The following ADAM12 variants were observed in gnomAD, a reference collection of about 807,000 sequenced individuals.
The protein encoded by ADAM12 is disintegrin and metalloproteinase domain-containing protein 12.
In ADAM12, 70 loss-of-function variants were observed where a neutral mutation model predicts 106.4. That is an observed-to-expected ratio of 0.66 (90% CI 0.54 to 0.80). The LOEUF (loss-of-function observed/expected upper bound fraction) is 0.80. ADAM12 is among the 30% of genes least tolerant of loss of function. The pLI is 0.00. For missense variants in ADAM12, 1,010 were observed against 1,171.9 expected, an observed-to-expected ratio of 0.86 and a Z score of 2.02; for synonymous variants, 420 against 433.5, an observed-to-expected ratio of 0.97 and a Z score of 0.39.
intron 3 of ADAM12, among the ~76,000 whole-genome samples, chr10:126,187,060 T>C (rs1458773332): frequency 6.6e-6 from 1 of 152,320 alleles, no homozygotes; most frequent in East Asian, 1.9e-4. Flanking sequence ...AGCTCCTCTC[T>C]GCCCCAGTTT....
intron 6 of ADAM12, among the ~76,000 whole-genome samples, chr10:126,117,758 T>TGGGGGG (rs113203942): frequency 1.1e-5 from 1 of 90,684 alleles, no homozygotes; most frequent in Non-Finnish European, 2.1e-5. Flanking sequence ...GGGTAGAAGT[T>TGGGGGG]GGGGGGGCGT....
chr10:126,311,286 T>C (rs1012733664), intron 2 of ADAM12, among the ~76,000 whole-genome samples: 1 of 152,190 alleles, frequency 6.6e-6, no homozygotes, highest in Non-Finnish European at 1.5e-5. Flanking sequence ...TAACTGGGGC[T>C]GGAGTGGGAG....
chr10:126,244,082 T>C (rs944005325), intron 3 of ADAM12, among the ~76,000 whole-genome samples: 1 of 152,216 alleles, frequency 6.6e-6, no homozygotes, highest in Non-Finnish European at 1.5e-5. Flanking sequence ...TTAGAGCACA[T>C]GGATTTAGCC....
intron 1 of ADAM12, among the ~76,000 whole-genome samples, chr10:126,340,666 T>C (rs1277806011): frequency 6.6e-6 from 1 of 151,888 alleles, no homozygotes; most frequent in African/African-American, 2.4e-5. Flanking sequence ...GCCACCATAC[T>C]GACCAGCCTC....
At chr10:126,340,272 G>A (rs1314681514) in intron 1 of ADAM12, among the ~76,000 whole-genome samples, 1 of 152,196 alleles carries the variant, frequency 6.6e-6, no homozygotes, top group Non-Finnish European at 1.5e-5. Flanking sequence ...AGGCAAACAT[G>A]GAGTGTTGAA....
At chr10:126,256,017 C>T (rs11244908) in intron 3 of ADAM12, among the ~76,000 whole-genome samples, 3,261 of 152,250 alleles carry the variant, frequency 0.021, 57 homozygotes, top group Admixed American at 0.054. Flanking sequence ...TCGCCCACCA[C>T]GGCTGGTAGT....
chr10:126,086,704 T>TAG (rs1554966991), intron 11 of ADAM12, among the ~76,000 whole-genome samples: 3 of 64,196 alleles, frequency 4.7e-5, no homozygotes, highest in Non-Finnish European at 8.8e-5. Flanking sequence ...TATATATATA[T>TAG]ATAAAATAAA....
At chr10:126,147,199 C>T (rs1369147831) in intron 4 of ADAM12, among the ~76,000 whole-genome samples, 1 of 152,208 alleles carries the variant, frequency 6.6e-6, no homozygotes, top group Non-Finnish European at 1.5e-5. Context: ...ACATATACCA[C>T]GAATGAAACA....
intron 3 of ADAM12, among the ~76,000 whole-genome samples, chr10:126,243,484 A>AAT (rs1565162693): frequency 7.3e-6 from 1 of 137,128 alleles, no homozygotes. Flanking sequence ...TGTGTGTGTG[A>AAT]GTGTATGTGT....
intron 11 of ADAM12, among the ~76,000 whole-genome samples, chr10:126,079,517 T>A (rs748289760): frequency 9.9e-5 from 15 of 152,228 alleles, no homozygotes; most frequent in Non-Finnish European, 2.2e-4. Flanking sequence ...TCATTCCTTC[T>A]TATGGCTGGA....
chr10:126,159,419 A>G (rs765987588), intron 3 of ADAM12, among the ~76,000 whole-genome samples: 1 of 151,848 alleles, frequency 6.6e-6, no homozygotes, highest in Non-Finnish European at 1.5e-5. Context: ...TACATATATT[A>G]TTTACTATGT....
chr10:126,190,326 G>C (rs1397205319), intron 3 of ADAM12, among the ~76,000 whole-genome samples: 1 of 151,718 alleles, frequency 6.6e-6, no homozygotes, highest in Non-Finnish European at 1.5e-5. Context: ...TCTGGCTCCT[G>C]AGTAGTTGGG....
At chr10:126,222,128 C>T (rs931983424) in intron 3 of ADAM12, among the ~76,000 whole-genome samples, 4 of 152,168 alleles carry the variant, frequency 2.6e-5, no homozygotes, top group Admixed American at 1.3e-4. Flanking sequence ...CCATGGGCAC[C>T]GTTCTTCTCT....
chr10:126,073,479 G>A (rs1955040636), intron 11 of ADAM12, among the ~76,000 whole-genome samples: 1 of 152,116 alleles, frequency 6.6e-6, no homozygotes, highest in Non-Finnish European at 1.5e-5. Context: ...GAGGTTTGGT[G>A]TACAGATTAT....
At chr10:126,229,352 G>C (rs1312301973) in intron 3 of ADAM12, among the ~76,000 whole-genome samples, 2 of 152,152 alleles carry the variant, frequency 1.3e-5, no homozygotes, top group Non-Finnish European at 2.9e-5. Context: ...CCTCAATTCT[G>C]GGTTTGTCTG....
At chr10:126,221,069 G>C (rs1413953812) in intron 3 of ADAM12, among the ~76,000 whole-genome samples, 2 of 152,234 alleles carry the variant, frequency 1.3e-5, no homozygotes, top group African/African-American at 4.8e-5. Flanking sequence ...GAACAACACA[G>C]GAAATGTATG....
chr10:126,120,117 C>A (rs1196455400), intron 5 of ADAM12, among the ~76,000 whole-genome samples: 1 of 152,128 alleles, frequency 6.6e-6, no homozygotes, highest in African/African-American at 2.4e-5. Flanking sequence ...TGACTACTAA[C>A]CTTTTGTGAG....
chr10:126,042,449 A>T (rs1954200091), intron 18 of ADAM12, among the ~76,000 whole-genome samples: 2 of 152,110 alleles, frequency 1.3e-5, no homozygotes, highest in Admixed American at 6.5e-5. Flanking sequence ...CAAATTACTT[A>T]ACTTCCCTGA....
At chr10:126,079,285 C>T (rs943496746) in intron 11 of ADAM12, among the ~76,000 whole-genome samples, 2 of 152,116 alleles carry the variant, frequency 1.3e-5, no homozygotes, top group Non-Finnish European at 2.9e-5. Flanking sequence ...AACTTCCCCC[C>T]ACCCCTCAAA....
Sources: gnomAD v4.1 joint callset for allele counts (sites outside exome capture counted in the v4.1 genomes callset) on GRCh38, gnomAD v4.1.1 for gene constraint, MANE v1.5 for transcripts, NCBI Gene and HGNC (gene_info 2026-07-23, HGNC 2026-07-21) for gene names.